RB1: variants seen among roughly 807,000 people sequenced by gnomAD.
RB1 encodes the protein RB transcriptional corepressor 1.
A neutral mutation model predicts 135.4 loss-of-function variants in RB1; 18 were observed. That is an observed-to-expected ratio of 0.13 (90% confidence interval 0.09 to 0.20). RB1 has a LOEUF of 0.20. RB1 is among the 10% of genes least tolerant of loss of function. The pLI is 1.00. For synonymous variants in RB1, 365 were observed against 373.2 expected, an observed-to-expected ratio of 0.98 and a Z score of 0.25; for missense variants, 868 against 1,110.0, an observed-to-expected ratio of 0.78 and a Z score of 3.10.
chr13:48,420,560 TA>T (rs1324145795), intron 17 of RB1, among the ~76,000 whole-genome samples: 4 of 152,036 alleles, frequency 2.6e-5, no homozygotes, highest in Non-Finnish European at 2.9e-5. Flanking sequence ...GAGGAAGAAA[TA>T]AAGCGTATTC....
At chr13:48,422,925 G>A (rs1949027571) in intron 17 of RB1, 1 of 152,254 alleles carries the variant, frequency 6.6e-6, no homozygotes, top group African/African-American at 2.4e-5. Context: ...AGGATCACTT[G>A]AGACCAGGAT....
chr13:48,423,335 C>G (rs538691786), intron 17 of RB1, among the ~76,000 whole-genome samples: 1 of 151,932 alleles, frequency 6.6e-6, no homozygotes, highest in African/African-American at 2.4e-5. Flanking sequence ...AGTGCAGTGG[C>G]GCGATCTCGG....
At chr13:48,320,571 G>A in intron 2 of RB1, 1 of 437,846 alleles carries the variant, frequency 2.3e-6, no homozygotes, top group Non-Finnish European at 4.2e-6. Context: ...AGTGGCTCAA[G>A]CCCGTAATCA....
intron 17 of RB1, among the ~76,000 whole-genome samples, chr13:48,387,976 C>G (rs1194678025): frequency 1.3e-5 from 2 of 152,252 alleles, no homozygotes; most frequent in African/African-American, 4.8e-5. Flanking sequence ...TTTCCTCTGC[C>G]TTTTTCTTGA....
chr13:48,481,269 G>T lies in RB1; in HGVS notation c.*1198G>T. 1 of 232,024 alleles carries T rather than the reference G, an allele frequency of 4.3e-6. No individual in the cohort carries two copies. The highest frequency in any genetic ancestry group is 8.5e-6 in the Non-Finnish European group (1 of 117,132). 14.4% of individuals were successfully genotyped at this position (232,024 alleles called of 1,614,324 possible). On this transcript the variant is annotated 3_prime_UTR_variant, in exon 27 of 27. Transcript: ENST00000267163. Reference sequence around the variant, plus strand: ...TACAAGTAATCAAGGGTCATTATGGGTTAGGCATTAATGTTTCTATCTGAT... The same window carrying T: ...TACAAGTAATCAAGGGTCATTATGGTTTAGGCATTAATGTTTCTATCTGAT...
chr13:48,313,749 T>TTC (rs1425280901), intron 2 of RB1, among the ~76,000 whole-genome samples: 2 of 136,318 alleles, frequency 1.5e-5, no homozygotes, highest in African/African-American at 5.3e-5. Flanking sequence ...TTTATTCTTT[T>TTC]TTTTTTTTTT....
At chr13:48,459,593 C>T in intron 19 of RB1, 95 bp from the exon 20 acceptor site, 1 of 1,280,022 alleles carries the variant, frequency 7.8e-7, no homozygotes, top group East Asian at 2.3e-5. Flanking sequence ...TGCTACTTAA[C>T]AGCATTATAA....
At chr13:48,477,441 CAATT>C in intron 26 of RB1, 37 bp downstream of exon 26, 1 of 1,488,254 alleles carries the variant, frequency 6.7e-7, no homozygotes, top group East Asian at 2.3e-5. Flanking sequence ...ATGAAATAAA[CAATT>C]GTTTACACTG....
intron 17 of RB1, among the ~76,000 whole-genome samples, chr13:48,434,265 A>G (rs1384553472): frequency 6.6e-6 from 1 of 151,982 alleles, no homozygotes; most frequent in Non-Finnish European, 1.5e-5. Flanking sequence ...TGGACAACAT[A>G]GTGAGAATCT....
intron 2 of RB1, chr13:48,316,880 G>A (rs1291837967): frequency 6.1e-6 from 2 of 327,150 alleles, no homozygotes; most frequent in Non-Finnish European, 1.2e-5. Context: ...CTGAGCTGCC[G>A]CCACTGTCCT....
At chr13:48,473,511 A>G (rs904304032) in intron 24 of RB1, 121 bp downstream of exon 24, 1 of 774,000 alleles carries the variant, frequency 1.3e-6, no homozygotes, top group East Asian at 2.6e-5. Flanking sequence ...GGCATATTGC[A>G]TAGAATTTTA....
In RB1 at chr13:48,314,779, CA is replaced by C. The variant is rs35589400; in HGVS notation, c.264+7384del. On this transcript the variant is annotated intron_variant, in intron 2 of 26. Coordinates refer to ENST00000267163, the MANE Select transcript of RB1 (RefSeq NM_000321.3). ...TCGTGCCACTGCACTCCAGCCTGGG[CA>C]AAAAAAAAAAGAAAAAGCAGCTAAA... Among the ~76,000 whole-genome samples the C allele has an allele frequency of 5.9e-3, 856 of 144,918 alleles. 4 individuals carry two copies. The highest frequency in any genetic ancestry group is 0.01 in the Middle Eastern group (3 of 286).
intron 6 of RB1, among the ~76,000 whole-genome samples, chr13:48,357,042 T>A (rs573455959): frequency 2.4e-4 from 36 of 151,944 alleles, no homozygotes; most frequent in Non-Finnish European, 5.2e-4. Context: ...TGAGGTTTAA[T>A]ACCTTAAACA....
chr13:48,471,834 T>G (rs928991521), intron 23 of RB1, among the ~76,000 whole-genome samples: 2 of 152,188 alleles, frequency 1.3e-5, no homozygotes, highest in Admixed American at 1.3e-4. Context: ...CTTGTTATAT[T>G]AAATGTAGAT....
intron 2 of RB1, among the ~76,000 whole-genome samples, chr13:48,327,217 TA>T (rs1468493043): frequency 6.6e-6 from 1 of 151,830 alleles, no homozygotes; most frequent in Non-Finnish European, 1.5e-5. Flanking sequence ...TTTTAAAAAA[TA>T]AAAGCAGCCA....
intron 7 of RB1, chr13:48,360,573 T>A (rs1407968104): frequency 1.8e-5 from 3 of 163,392 alleles, no homozygotes; most frequent in Non-Finnish European, 1.3e-5. Context: ...AGGGAACAGC[T>A]TAACTAAGTT....
At chr13:48,330,257 A>G (rs2138067662) in intron 2 of RB1, among the ~76,000 whole-genome samples, 1 of 152,212 alleles carries the variant, frequency 6.6e-6, no homozygotes, top group Middle Eastern at 3.4e-3. Flanking sequence ...CTAACTTTAC[A>G]TCTCTCAGAA....
intron 2 of RB1, among the ~76,000 whole-genome samples, chr13:48,336,827 A>G (rs1273973626): frequency 2.0e-5 from 3 of 152,080 alleles, no homozygotes; most frequent in African/African-American, 7.2e-5. Context: ...TTAGTGCTAT[A>G]AATTTCCCTC....
chr13:48,373,955 A>G (rs927297242), intron 12 of RB1, among the ~76,000 whole-genome samples: 1 of 152,078 alleles, frequency 6.6e-6, no homozygotes, highest in Non-Finnish European at 1.5e-5. Context: ...AAGATAATAC[A>G]TTACCTGGAT....
Sources: gnomAD v4.1 joint callset for allele counts (sites outside exome capture counted in the v4.1 genomes callset) on GRCh38, gnomAD v4.1.1 for gene constraint, MANE v1.5 for transcripts, NCBI Gene and HGNC (gene_info 2026-07-23, HGNC 2026-07-21) for gene names.